The following MCC variants were observed in gnomAD, a reference collection of about 807,000 sequenced individuals.
MCC encodes colorectal mutant cancer protein.
In MCC, 90 loss-of-function variants were observed where a neutral mutation model predicts 116.2. The observed-to-expected ratio is 0.77, with a 90% CI of 0.65 to 0.92. MCC has a LOEUF of 0.92. MCC is among the 40% of genes least tolerant of loss of function. The probability of loss-of-function intolerance (pLI) is 0.00; values close to 1 mark genes in which losing one functional copy is unlikely to be tolerated. For synonymous variants in MCC, 578 were observed against 510.5 expected, an observed-to-expected ratio of 1.13 and a Z score of -1.78; for missense variants, 1,516 against 1,312.2, an observed-to-expected ratio of 1.16 and a Z score of -2.40.
chr5:113,314,453 A>G (rs1419961637), intron 3 of MCC, among the ~76,000 whole-genome samples: 1 of 152,214 alleles, frequency 6.6e-6, no homozygotes, highest in Middle Eastern at 3.2e-3. Context: ...CTTCACCTGA[A>G]AGAACTGTTT....
intron 16 of MCC, chr5:113,044,350 G>A (rs961249971): frequency 1.6e-5 from 5 of 314,378 alleles, no homozygotes; most frequent in South Asian, 1.3e-4. Flanking sequence ...GGAAACTTAA[G>A]AGCCAGTGCT....
intron 3 of MCC, among the ~76,000 whole-genome samples, chr5:113,245,433 A>G (rs1764537858): frequency 6.6e-6 from 1 of 152,020 alleles, no homozygotes; most frequent in Non-Finnish European, 1.5e-5. Context: ...AATATTTTAA[A>G]TATCTCCACA....
intron 5 of MCC, among the ~76,000 whole-genome samples, chr5:113,130,362 C>A (rs898486706): frequency 6.6e-6 from 1 of 152,064 alleles, no homozygotes. Flanking sequence ...TGAAAGACAG[C>A]ATTAGGAGAA....
intron 3 of MCC, among the ~76,000 whole-genome samples, chr5:113,284,581 GTAC>G (rs1766173934): frequency 6.6e-6 from 1 of 152,180 alleles, no homozygotes; most frequent in African/African-American, 2.4e-5. Flanking sequence ...TAAAATCTCA[GTAC>G]TACATTTCCC....
intron 3 of MCC, among the ~76,000 whole-genome samples, chr5:113,248,235 TAAA>T (rs10574369): frequency 1.4e-3 from 184 of 133,540 alleles, no homozygotes; most frequent in African/African-American, 3.1e-3. Context: ...TGTATCTATT[TAAA>T]AAAAAAAAAA....
At chr5:113,038,549 T>G (rs1751473749) in intron 17 of MCC, among the ~76,000 whole-genome samples, 1 of 152,038 alleles carries the variant, frequency 6.6e-6, no homozygotes, top group Non-Finnish European at 1.5e-5. Context: ...GATGGGAACA[T>G]CCGGATCCAT....
In MCC at chr5:113,049,272, G is replaced by A; in HGVS notation, c.2476C>T (p.Leu826Phe). 6.2e-7 allele frequency: 1 copy of A among 1,608,128 alleles called. No individual in the cohort carries two copies. Among genetic ancestry groups the A allele is most frequent in the South Asian group, 1.1e-5 (1 of 90,110 alleles). ...TTCTTCTCTTTCTCCAGTAGGTAGA[G>A]CTGGGCCTTCAACTCGGCCATCTCC... The part of the protein sequence containing the change: ...KEEMAELKAQ[L>F]YLLEKEKKAL... The change falls in exon 16 of 19, where the codon CTC becomes TTC. Residue 826 changes from leucine to phenylalanine, a missense_variant. Leu to Phe is a conservative substitution (Grantham distance 22). Coordinates refer to ENST00000408903, the MANE Select transcript of MCC (RefSeq NM_001085377.2).
chr5:113,433,377 T>C (rs1400905534), intron 1 of MCC: 11 of 478,794 alleles, frequency 2.3e-5, no homozygotes, highest in African/African-American at 1.6e-4. Flanking sequence ...GGATAAATGG[T>C]GCCCAAGGTG....
At chr5:113,359,305 G>A (rs1768490638) in intron 2 of MCC, among the ~76,000 whole-genome samples, 1 of 152,136 alleles carries the variant, frequency 6.6e-6, no homozygotes, top group Admixed American at 6.6e-5. Context: ...AAGAAATGAG[G>A]AAATTTTTCT....
intron 13 of MCC, among the ~76,000 whole-genome samples, chr5:113,064,750 C>A (rs1006802180): frequency 6.6e-6 from 1 of 152,194 alleles, no homozygotes; most frequent in African/African-American, 2.4e-5. Context: ...ACTCAAATGC[C>A]TCCAGGAGCC....
chr5:113,122,611 C>A, intron 6 of MCC, 73 bp downstream of exon 6: 1 of 1,562,982 alleles, frequency 6.4e-7, no homozygotes, highest in South Asian at 1.2e-5. Context: ...TTCAGGCTGC[C>A]TCACATTTCT....
chr5:113,084,238 A>C (rs62374684), intron 9 of MCC, 48 bp from the exon 10 acceptor site: 107,267 of 1,418,068 alleles, frequency 0.076, 4,530 homozygotes, highest in African/African-American at 0.09. Context: ...ACCACTCCTC[A>C]GATAAACTGT....
chr5:113,291,538 A>G (rs1766496837), intron 3 of MCC, among the ~76,000 whole-genome samples: 1 of 152,178 alleles, frequency 6.6e-6, no homozygotes, highest in Non-Finnish European at 1.5e-5. Context: ...AATGGCAGGT[A>G]TTTTCAGAGT....
At chr5:113,449,084 G>A (rs1051306726) in intron 1 of MCC, among the ~76,000 whole-genome samples, 2 of 152,114 alleles carry the variant, frequency 1.3e-5, no homozygotes, top group Non-Finnish European at 1.5e-5. Flanking sequence ...TCCTACAGAG[G>A]GCCAGCTGGC....
chr5:113,041,449 A>G (rs890213519), intron 17 of MCC, among the ~76,000 whole-genome samples: 9 of 152,252 alleles, frequency 5.9e-5, no homozygotes, highest in African/African-American at 2.2e-4. Flanking sequence ...GAAAACCACA[A>G]TGCAAAATGA....
Position 113,027,518 on chromosome 5 carries a change from C to T in MCC, c.2880-36G>A, listed in dbSNP as rs183775110. ...ATGAAGGGAAATTGGTATTAAGATT[C>T]ATCCTAAGTAGCATCGTGACACCAT... On this transcript the variant is annotated intron_variant, in intron 18 of 18. Coordinates refer to ENST00000408903, the MANE Select transcript of MCC (RefSeq NM_001085377.2). 23 of 1,597,836 alleles carry T rather than the reference C, an allele frequency of 1.4e-5. No homozygotes were observed. The East Asian group carries it at 5.1e-4, about 36-fold the overall frequency.
chr5:113,263,075 G>A (rs1445696749), intron 3 of MCC, among the ~76,000 whole-genome samples: 2 of 152,002 alleles, frequency 1.3e-5, no homozygotes, highest in Non-Finnish European at 2.9e-5. Context: ...GAGAAAGGCT[G>A]ATAAGAAACC....
At chr5:113,057,780 T>C (rs1447482745) in intron 14 of MCC, among the ~76,000 whole-genome samples, 1 of 152,248 alleles carries the variant, frequency 6.6e-6, no homozygotes, top group African/African-American at 2.4e-5. Context: ...TCAACACTGA[T>C]GTGGAGGGAC....
At chr5:113,186,175 C>T (rs1009894392) in intron 3 of MCC, among the ~76,000 whole-genome samples, 5 of 152,134 alleles carry the variant, frequency 3.3e-5, no homozygotes, top group Admixed American at 2.0e-4. Flanking sequence ...TACAGGTGAT[C>T]TGACCATATC....
Sources: allele counts gnomAD v4.1 joint callset (sites outside exome capture counted in the v4.1 genomes callset), GRCh38; gene constraint gnomAD v4.1.1; transcripts MANE v1.5; gene names NCBI Gene and HGNC (gene_info 2026-07-23, HGNC 2026-07-21).